Variants in ACP6 observed in about 807,000 individuals in gnomAD.
The protein encoded by ACP6 is acid phosphatase 6, lysophosphatidic.
ACP6 carries 48 observed loss-of-function variants against 48.1 expected under a neutral mutation model. The ratio of observed to expected loss-of-function variants is 1.00; its 90% CI spans 0.79 to 1.27. The LOEUF is 1.27. ACP6 is among the 50% of genes most tolerant of loss of function. ACP6 has a pLI of 0.00. For synonymous variants in ACP6, 172 were observed against 204.2 expected, an observed-to-expected ratio of 0.84 and a Z score of 1.34; for missense variants, 485 against 529.1, an observed-to-expected ratio of 0.92 and a Z score of 0.82.
At position 147,647,483 on chromosome 1, in the gene ACP6, T is replaced by C. The variant is rs149788431; in HGVS notation, c.1227A>G (p.Pro409=). 5.0e-6 allele frequency: 8 copies of C among 1,614,080 alleles called. No individual in the cohort carries two copies. The highest frequency in any genetic ancestry group is 5.9e-6 in the Non-Finnish European group (7 of 1,180,036). ...LNAMSVYTLS[P]EKYHALCSQT... Reference sequence around the variant, plus strand: ...GAGAGCAGAGTGCGTGGTATTTTTCTGGGCTTAAGGTATAAACTGACATGG... The same window carrying C: ...GAGAGCAGAGTGCGTGGTATTTTTCCGGGCTTAAGGTATAAACTGACATGG... Residue 409 remains proline, a synonymous_variant, in exon 10 of 10, where the codon CCA becomes CCG. Transcript: ENST00000583509.
Position 147,659,017 on chromosome 1 carries a change from GA to G in ACP6, c.501del (p.Arg168GlyfsTer44). 1 of 1,610,842 alleles carries G rather than the reference GA, an allele frequency of 6.2e-7. No individual in the cohort carries two copies. Among genetic ancestry groups the G allele is most frequent in the Non-Finnish European group, 8.5e-7 (1 of 1,178,730 alleles). On this transcript the variant is annotated frameshift_variant, in exon 4 of 10. Coordinates refer to ENST00000583509, the MANE Select transcript of ACP6 (RefSeq NM_016361.5). LOFTEE classifies it high-confidence loss of function. ...AAACAACGGGTGGACTCCAGATTCC[GA>G]AAAATGTTAGTGGAACGAATACTGA... ...QEVFIRSTNI[F>X]RNLESTRCLL...
In ACP6 at chr1:147,650,174, T is replaced by C. The variant is rs6593795; in HGVS notation, c.946A>G (p.Met316Val). The stretch of plus-strand genomic sequence containing the variant: ...TTGTCGGGGGCAGTGGCAGAGTCCA[T>C]GGCTTTCAGCAGGTTGCTCTCTAGG... ...HILESNLLKA[M>V]DSATAPDKIR... is the part of the protein sequence containing the mutation. Residue 316 changes from methionine to valine, a missense_variant, in exon 8 of 10, where the codon ATG (methionine) becomes GTG (valine). Coordinates refer to ENST00000583509, the MANE Select transcript of ACP6 (RefSeq NM_016361.5). The C allele has an allele frequency of 2.5e-3, 3,940 of 1,607,414 alleles. 91 individuals carry two copies. The African/African-American group carries it at 0.047, about 19-fold the overall frequency.
intron 1 of ACP6, among the ~76,000 whole-genome samples, chr1:147,669,525 A>G (rs1219708607): frequency 3.3e-5 from 5 of 152,168 alleles, no homozygotes; most frequent in Non-Finnish European, 7.4e-5. Flanking sequence ...GCACTACTCC[A>G]CACCTGCTGA....
downstream of ACP6, among the ~76,000 whole-genome samples, chr1:147,638,155 G>C (rs587606868): frequency 2.6e-5 from 4 of 152,146 alleles, no homozygotes; most frequent in Non-Finnish European, 2.9e-5. Flanking sequence ...ACCAGACAAG[G>C]TTCCTGCTTT....
In ACP6 at chr1:147,659,638, A is replaced by G. The variant is rs782202571; in HGVS notation, c.348+9T>C. The G allele has an allele frequency of 6.2e-7, 1 of 1,614,118 alleles. No homozygotes were observed. The highest frequency in any genetic ancestry group is 1.7e-5 in the Admixed American group (1 of 60,018). On this transcript the variant is annotated intron_variant, in intron 2 of 9. Transcript: ENST00000583509. ...GTGGGGCTCCCCAGAGCAAGGAAGC[A>G]TTGCTCACCTTCAGGGTGGTCTCAT...
Position 147,654,334 on chromosome 1 carries a change from A to C in ACP6, c.648-8T>G, listed in dbSNP as rs1160422881. 4 of 1,613,676 alleles carry C rather than the reference A, an allele frequency of 2.5e-6. No individual in the cohort carries two copies. The African/African-American group carries it at 5.3e-5, about 22-fold the overall frequency. Reference sequence around the variant, plus strand: ...GCAGTCTGCCTCCGGCCTCTGACAAAAAATAAAAAGTAAAGCCTTATATTC... The same window carrying C: ...GCAGTCTGCCTCCGGCCTCTGACAACAAATAAAAAGTAAAGCCTTATATTC... On this transcript the variant is annotated splice_polypyrimidine_tract_variant and splice_region_variant and intron_variant, in intron 5 of 9. Transcript: ENST00000583509.
rs1553208878 is a variant in ACP6 at position 147,642,438 on chromosome 1, T to A, written c.*4985A>T. 2 of 151,078 alleles carry A rather than the reference T, an allele frequency of 1.3e-5. No homozygotes were observed. The highest frequency in any genetic ancestry group is 4.9e-5 in the African/African-American group (2 of 40,964). The allele number at this position is 151,078 out of a possible 1,614,324, so 9.4% of individuals were successfully genotyped here. A position where few individuals can be genotyped will look rare whatever the true frequency, so the allele number is the denominator to read the frequency against. On this transcript the variant is annotated 3_prime_UTR_variant, in exon 10 of 10. Transcript: ENST00000583509. ...GGTCAGGGGTCAGGTGATGGAAAAA[T>A]GTGTGCCAAGGTAAAGAGGCCAGAG...
chr1:147,669,741 T>A, intron 1 of ACP6, 89 bp downstream of exon 1: 1 of 1,344,414 alleles, frequency 7.4e-7, no homozygotes. Context: ...TCCGCGCGAG[T>A]AAAGCTCTGA....
chr1:147,650,231 G>T lies in ACP6; in HGVS notation c.889C>A (p.Leu297Ile), dbSNP rs782530833. The T allele has an allele frequency of 6.3e-7, 1 of 1,598,066 alleles. No homozygotes were observed. The highest frequency in any genetic ancestry group is 8.5e-7 in the Non-Finnish European group (1 of 1,173,954). ...YILPKEDRES[L>I]QMAVGPFLHI... The stretch of plus-strand genomic sequence containing the variant: ...AGGAATGGGCCTACTGCCATCTGAA[G>T]ACTTTCCCTGTGAAAAGTGAACAAC... Residue 297 changes from leucine to isoleucine, a missense_variant, in exon 8 of 10, where the codon CTT becomes ATT. Physicochemically the swap from Leu to Ile is conservative, Grantham distance 5. Coordinates refer to ENST00000583509, the MANE Select transcript of ACP6 (RefSeq NM_016361.5).
In ACP6 at chr1:147,646,539, TAG is replaced by T. The variant is rs1305022857; in HGVS notation, c.*882_*883del. The T allele has an allele frequency of 6.6e-6, 1 of 152,116 alleles. No homozygotes were observed. The highest frequency in any genetic ancestry group is 1.5e-5 in the Non-Finnish European group (1 of 68,074). 9.4% of individuals were successfully genotyped at this position (152,116 alleles called of 1,614,324 possible). On this transcript the variant is annotated 3_prime_UTR_variant, in exon 10 of 10. Transcript: ENST00000583509. Reference sequence around the variant, plus strand: ...GTTTGAAATCAGAGAAGGGTTGAAATAGATTCTGGAGAAGAACAGCAACATTG... The same window carrying T: ...GTTTGAAATCAGAGAAGGGTTGAAATATTCTGGAGAAGAACAGCAACATTG...
At chr1:147,650,322 T>A (rs879974133) in intron 7 of ACP6, 84 bp from the exon 8 acceptor site, 1 of 975,460 alleles carries the variant, frequency 1.0e-6, no homozygotes, top group African/African-American at 1.7e-5. Context: ...CAGGACCTCA[T>A]GAGTCCAGAC....
Position 147,650,187 on chromosome 1 carries a change from G to A in ACP6, c.933C>T (p.Asn311=), listed in dbSNP as rs1553210244. The A allele has an allele frequency of 1.2e-6, 2 of 1,607,114 alleles. No individual in the cohort carries two copies. Among genetic ancestry groups the A allele is most frequent in the Admixed American group, 1.7e-5 (1 of 58,626 alleles). Residue 311 remains asparagine, a synonymous_variant, in exon 8 of 10, where the codon AAC becomes AAT. Coordinates refer to ENST00000583509, the MANE Select transcript of ACP6 (RefSeq NM_016361.5). ...TGGCAGAGTCCATGGCTTTCAGCAG[G>A]TTGCTCTCTAGGATGTGGAGGAATG... ...VGPFLHILES[N]LLKAMDSATA... is the part of the protein sequence containing the mutation.
intron 5 of ACP6, among the ~76,000 whole-genome samples, chr1:147,634,320 G>A (rs1659244528): frequency 6.6e-6 from 1 of 152,110 alleles, no homozygotes; most frequent in Admixed American, 6.5e-5. Flanking sequence ...TGTGTTGTAG[G>A]AGTTCTTTAA....
intron 1 of ACP6, among the ~76,000 whole-genome samples, chr1:147,664,884 T>A (rs184515176): frequency 1.3e-5 from 2 of 152,272 alleles, no homozygotes; most frequent in East Asian, 3.9e-4. Context: ...AGAAGTTTCA[T>A]TGAGGGAATA....
At position 147,659,759 on chromosome 1, in the gene ACP6, T is replaced by TG. The variant is rs1479554718; in HGVS notation, c.235dup (p.Gln79ProfsTer12). ...AGTTTGGGGTGGGACCTCTAATAGC[T>TG]GGGGGTTCCACTCTACCTGTTAGTA... On this transcript the variant is annotated frameshift_variant, in exon 2 of 10. Transcript: ENST00000583509. LOFTEE classifies it high-confidence loss of function. 6 of 1,613,904 alleles carry TG rather than the reference T, an allele frequency of 3.7e-6. No individual in the cohort carries two copies. Among genetic ancestry groups the TG allele is most frequent in the Non-Finnish European group, 4.2e-6 (5 of 1,179,984 alleles).
chr1:147,639,329 G>C (rs1285587664), downstream of ACP6, among the ~76,000 whole-genome samples: 1 of 152,134 alleles, frequency 6.6e-6, no homozygotes, highest in Non-Finnish European at 1.5e-5. Context: ...TTTTGACCTA[G>C]AGAACAACCA....
chr1:147,633,004 C>T (rs1463071964), intron 5 of ACP6, among the ~76,000 whole-genome samples: 5 of 152,100 alleles, frequency 3.3e-5, no homozygotes, highest in African/African-American at 1.2e-4. Context: ...AAGGTAGAAT[C>T]GTGGTGTTGG....
chr1:147,643,424 G>A lies in ACP6; in HGVS notation c.*3999C>T, dbSNP rs1375738885. On this transcript the variant is annotated 3_prime_UTR_variant, in exon 10 of 10. Transcript: ENST00000583509. ...GGGGGACACAATTCAGCCCATGACA[G>A]AAGGTGGCAGAGTATACCTAAGGCA... 3 of 152,220 alleles carry A rather than the reference G, an allele frequency of 2.0e-5. No individual in the cohort carries two copies. The highest frequency in any genetic ancestry group is 7.2e-5 in the African/African-American group (3 of 41,432). The allele number at this position is 152,220 out of a possible 1,614,324, so 9.4% of individuals were successfully genotyped here.
At chr1:147,652,238 A>G (rs1553210665) in intron 7 of ACP6, 4 of 494,452 alleles carry the variant, frequency 8.1e-6, no homozygotes, top group African/African-American at 1.9e-5. Flanking sequence ...CTGGTTCTGC[A>G]TAACAGGGAA....
Sources: gnomAD v4.1 joint callset for allele counts (sites outside exome capture counted in the v4.1 genomes callset) on GRCh38, gnomAD v4.1.1 for gene constraint, MANE v1.5 for transcripts, NCBI Gene and HGNC (gene_info 2026-07-23, HGNC 2026-07-21) for gene names.